Variants in SMOC1 observed in about 807,000 individuals in gnomAD.
SMOC1 encodes SPARC-related modular calcium-binding protein 1.
A neutral mutation model predicts 56.3 loss-of-function variants in SMOC1; 22 were observed. That is an observed-to-expected ratio of 0.39 (90% CI 0.28 to 0.56). The LOEUF (loss-of-function observed/expected upper bound fraction) is 0.56. Among genes scored for constraint, SMOC1 ranks in the 20% least tolerant of loss-of-function variants. SMOC1 has a pLI of 0.61. For synonymous variants in SMOC1, 193 were observed against 215.0 expected (o/e 0.90, Z 0.89); for missense variants, 509 against 565.4 (o/e 0.90, Z 1.01).
intron 1 of SMOC1, among the ~76,000 whole-genome samples, chr14:69,889,839 T>C (rs892139687): frequency 4.6e-5 from 7 of 152,244 alleles, no homozygotes; most frequent in Non-Finnish European, 7.3e-5. Flanking sequence ...CTTCCACCTT[T>C]AAAGCTAGCA....
intron 5 of SMOC1, among the ~76,000 whole-genome samples, chr14:69,981,973 A>C (rs2139517465): frequency 6.6e-6 from 1 of 152,268 alleles, no homozygotes; most frequent in East Asian, 1.9e-4. Flanking sequence ...GAAGGGGGGC[A>C]GTGGTGAAGA....
At chr14:70,010,996 T>C (rs1885316197) in intron 8 of SMOC1, 50 bp downstream of exon 8, 2 of 1,602,926 alleles carry the variant, frequency 1.2e-6, no homozygotes, top group African/African-American at 1.3e-5. Context: ...CTGGCTGTTA[T>C]CCATGCTGGC....
At chr14:69,895,375 G>A (rs1297766578) in intron 1 of SMOC1, among the ~76,000 whole-genome samples, 4 of 152,328 alleles carry the variant, frequency 2.6e-5, no homozygotes, top group Non-Finnish European at 4.4e-5. Context: ...GTAGATCTTG[G>A]TGTAGGACTC....
intron 1 of SMOC1, among the ~76,000 whole-genome samples, chr14:69,929,530 G>C (rs1457904176): frequency 3.3e-5 from 5 of 152,190 alleles, no homozygotes; most frequent in African/African-American, 1.2e-4. Context: ...TAACTACTGT[G>C]CTACGTTGGC....
At chr14:69,992,201 G>C (rs1005362341) in intron 5 of SMOC1, among the ~76,000 whole-genome samples, 2 of 152,190 alleles carry the variant, frequency 1.3e-5, no homozygotes, top group African/African-American at 4.8e-5. Flanking sequence ...CCTTGGGATG[G>C]TGAACACACA....
intron 11 of SMOC1, among the ~76,000 whole-genome samples, chr14:70,026,718 G>A (rs956191751): frequency 3.3e-5 from 5 of 152,124 alleles, no homozygotes; most frequent in Non-Finnish European, 7.4e-5. Flanking sequence ...GAAAGCCCGT[G>A]TCTGTGACAT....
At chr14:69,943,511 A>T (rs1882654575) in intron 1 of SMOC1, among the ~76,000 whole-genome samples, 1 of 152,212 alleles carries the variant, frequency 6.6e-6, no homozygotes, top group Admixed American at 6.5e-5. Context: ...ATTCCCAAGG[A>T]TGCAGGCCCC....
chr14:70,013,808 G>A (rs1212418609), intron 10 of SMOC1, among the ~76,000 whole-genome samples: 4 of 152,166 alleles, frequency 2.6e-5, no homozygotes. Context: ...AGTTCTGAAT[G>A]GCAGGAAGGG....
In SMOC1 at chr14:69,879,743, C is replaced by T; in HGVS notation, c.65C>T (p.Ser22Phe). The change falls in exon 1 of 12, where the codon TCC becomes TTC. Residue 22 changes from serine to phenylalanine, a missense_variant. Around this residue, in one of 3 missense-constraint regions of SMOC1, gnomAD observed 315 missense variants for 333.1 expected, o/e 0.95. Transcript: ENST00000361956. ...PHLLLVLVQL[S>F]PARGHRTTGP... The stretch of plus-strand genomic sequence containing the variant: ...TTGCTGCTGGTGTTGGTGCAGCTGT[C>T]CCCTGCTCGCGGCCACCGCACCACA... The T allele has an allele frequency of 1.3e-6, 2 of 1,592,952 alleles. No individual in the cohort carries two copies. Among genetic ancestry groups the T allele is most frequent in the Non-Finnish European group, 1.7e-6 (2 of 1,176,476 alleles).
intron 1 of SMOC1, among the ~76,000 whole-genome samples, chr14:69,940,643 C>G (rs1870390246): frequency 6.6e-6 from 1 of 152,184 alleles, no homozygotes; most frequent in Non-Finnish European, 1.5e-5. Context: ...TTTGCACCCC[C>G]ACAAGTCTAA....
At chr14:69,925,084 A>G (rs373805972) in intron 1 of SMOC1, among the ~76,000 whole-genome samples, 2 of 1,674 alleles carry the variant, frequency 1.2e-3, no homozygotes, top group South Asian at 0.05. Flanking sequence ...GGGAGCTAGG[A>G]GAGGTAGGGG....
chr14:70,026,727 A>G (rs1410382853), intron 11 of SMOC1, among the ~76,000 whole-genome samples: 1 of 151,892 alleles, frequency 6.6e-6, no homozygotes, highest in Non-Finnish European at 1.5e-5. Flanking sequence ...TGTCTGTGAC[A>G]TGTCTCTGAA....
intron 1 of SMOC1, among the ~76,000 whole-genome samples, chr14:69,887,538 T>C (rs959209077): frequency 3.9e-5 from 6 of 152,206 alleles, no homozygotes; most frequent in African/African-American, 1.4e-4. Flanking sequence ...TAAAATTAAT[T>C]CAATTCTTTG....
At chr14:69,920,727 A>G (rs1219786812) in intron 1 of SMOC1, among the ~76,000 whole-genome samples, 1 of 152,236 alleles carries the variant, frequency 6.6e-6, no homozygotes, top group Admixed American at 6.5e-5. Flanking sequence ...GATAAGAGCT[A>G]CAAAGGAGAT....
At chr14:69,999,248 G>A (rs1271494549) in intron 7 of SMOC1, among the ~76,000 whole-genome samples, 2 of 152,010 alleles carry the variant, frequency 1.3e-5, no homozygotes, top group Non-Finnish European at 2.9e-5. Flanking sequence ...CCTCACCCAG[G>A]AAGTTCCTGC....
intron 1 of SMOC1, among the ~76,000 whole-genome samples, chr14:69,938,305 G>A (rs1423714567): frequency 6.6e-6 from 1 of 152,104 alleles, no homozygotes; most frequent in African/African-American, 2.4e-5. Flanking sequence ...GTCTTTTATC[G>A]TGGGTGGGCT....
intron 1 of SMOC1, among the ~76,000 whole-genome samples, chr14:69,924,024 G>A (rs931153122): frequency 7.2e-5 from 11 of 152,200 alleles, no homozygotes. Context: ...CCAGAAAAAG[G>A]GGATCTCAGT....
At chr14:69,981,856 A>T (rs1884190818) in intron 5 of SMOC1, among the ~76,000 whole-genome samples, 2 of 152,100 alleles carry the variant, frequency 1.3e-5, no homozygotes. Flanking sequence ...ACCATAGGTG[A>T]TTTGAGGAGC....
At chr14:69,910,806 G>C (rs1170006576) in intron 1 of SMOC1, among the ~76,000 whole-genome samples, 2 of 152,148 alleles carry the variant, frequency 1.3e-5, no homozygotes, top group Non-Finnish European at 1.5e-5. Flanking sequence ...ATTAACCCTG[G>C]ATATTCAGGA....
Sources: gnomAD v4.1 joint callset for allele counts (sites outside exome capture counted in the v4.1 genomes callset) on GRCh38, gnomAD v4.1.1 for gene constraint, gnomAD v4.1.1 regional missense constraint, MANE v1.5 for transcripts, NCBI Gene and HGNC (gene_info 2026-07-23, HGNC 2026-07-21) for gene names.